NPIPB2: variants seen among roughly 807,000 people sequenced by gnomAD.
NPIPB2 encodes nuclear pore complex interacting protein family member B2, also known as nuclear pore complex-interacting protein family member B2.
NPIPB2 carries 27 observed loss-of-function variants against 30.8 expected under a neutral mutation model. The observed-to-expected ratio is 0.88, with a 90% CI of 0.65 to 1.21. The LOEUF (loss-of-function observed/expected upper bound fraction) is 1.21. Ranked by LOEUF, NPIPB2 falls within the 50% of genes most tolerant of loss-of-function variation. The pLI, the probability that NPIPB2 is intolerant of heterozygous loss-of-function variation, is 0.00. For missense variants in NPIPB2, 440 were observed against 446.2 expected (o/e 0.99, Z 0.13); for synonymous variants, 147 against 162.0 (o/e 0.91, Z 0.70).
At chr16:11,941,448 A>T (rs2054939365) in intron 1 of NPIPB2, among the ~76,000 whole-genome samples, 1 of 146,194 alleles carries the variant, frequency 6.8e-6, no homozygotes, top group Non-Finnish European at 1.5e-5. Flanking sequence ...GAGGTGGAGG[A>T]GGAGGAGGAG....
intron 1 of NPIPB2, among the ~76,000 whole-genome samples, chr16:11,973,361 C>T (rs576842657): frequency 6.6e-6 from 1 of 152,154 alleles, no homozygotes; most frequent in South Asian, 2.1e-4. Context: ...GGTTTATAGC[C>T]ATGATTTCCA....
At chr16:11,965,235 T>C (rs2055184251) in intron 1 of NPIPB2, 1 of 1,545,944 alleles carries the variant, frequency 6.5e-7, no homozygotes, top group African/African-American at 1.4e-5. Context: ...CTAGCTGCTC[T>C]TGCTGCATTT....
intron 1 of NPIPB2, among the ~76,000 whole-genome samples, chr16:11,969,681 A>C (rs1258069179): frequency 1.3e-5 from 2 of 152,368 alleles, no homozygotes; most frequent in African/African-American, 4.8e-5. Context: ...TTCCAGCTTA[A>C]TGAAAGCATC....
At chr16:11,967,496 T>G in intron 1 of NPIPB2, 1 of 1,441,534 alleles carries the variant, frequency 6.9e-7, no homozygotes, top group Non-Finnish European at 9.5e-7. Context: ...TGAGTCCCGA[T>G]GTGTACTGCT....
chr16:11,951,143 A>G (rs1161242578), intron 1 of NPIPB2, among the ~76,000 whole-genome samples: 2 of 152,090 alleles, frequency 1.3e-5, no homozygotes, highest in Admixed American at 6.6e-5. Context: ...TCTTTTAAGA[A>G]AATTCAGTTT....
chr16:11,975,334 A>G (rs1191552130), intron 1 of NPIPB2, among the ~76,000 whole-genome samples: 4 of 144,718 alleles, frequency 2.8e-5, no homozygotes, highest in Non-Finnish European at 6.1e-5. Flanking sequence ...TTTTTAGTAG[A>G]GACGGGGTTT....
chr16:11,947,594 T>G (rs1476225120), intron 1 of NPIPB2, among the ~76,000 whole-genome samples: 1 of 151,824 alleles, frequency 6.6e-6, no homozygotes, highest in Non-Finnish European at 1.5e-5. Flanking sequence ...TCTGCCCACC[T>G]CGGCCTCCCA....
chr16:11,976,328 C>G (rs1341581748), intron 1 of NPIPB2, among the ~76,000 whole-genome samples: 1 of 152,244 alleles, frequency 6.6e-6, no homozygotes, highest in Non-Finnish European at 1.5e-5. Flanking sequence ...TCTTCCCGGA[C>G]TGGGTTCCTC....
At chr16:11,941,206 C>T in intron 1 of NPIPB2, 1 of 1,526,776 alleles carries the variant, frequency 6.5e-7, no homozygotes, top group Non-Finnish European at 8.8e-7. Context: ...CAGCAGGAGC[C>T]AAAAGAGGAG....
At chr16:11,946,120 T>C (rs1469601518), upstream of NPIPB2, among the ~76,000 whole-genome samples, 1 of 151,618 alleles carries the variant, frequency 6.6e-6, no homozygotes, top group Non-Finnish European at 1.5e-5. Context: ...GCATGGTGGC[T>C]TATACCTGTA....
At chr16:11,970,747 G>A (rs980266120) in intron 1 of NPIPB2, among the ~76,000 whole-genome samples, 27 of 151,840 alleles carry the variant, frequency 1.8e-4, no homozygotes, top group African/African-American at 6.3e-4. Flanking sequence ...TGTTGGACAC[G>A]GTGGTCTTGA....
chr16:11,946,648 T>C (rs1050386754), upstream of NPIPB2, among the ~76,000 whole-genome samples: 3 of 151,928 alleles, frequency 2.0e-5, no homozygotes, highest in African/African-American at 4.8e-5. Context: ...GAATAATAAG[T>C]GGTGAGGCTA....
Position 11,964,588 on chromosome 16 carries a change from T to C in NPIPB2, c.-584+11980A>G, listed in dbSNP as rs1481907929. On this transcript the variant is annotated intron_variant, in intron 1 of 5. Coordinates refer to the NPIPB2 transcript ENST00000538896. ...TGCCACCATGCCTGACTAATTTTTG[T>C]ATTTTTAGTAGAGACGGGGTTTCAC... Among the ~76,000 whole-genome samples, 3 of 152,150 alleles carry C rather than the reference T, an allele frequency of 2.0e-5. No individual in the cohort carries two copies. The East Asian group carries it at 5.8e-4, about 29-fold the overall frequency.
At chr16:11,967,777 A>G in intron 1 of NPIPB2, 1 of 1,614,212 alleles carries the variant, frequency 6.2e-7, no homozygotes, top group Non-Finnish European at 8.5e-7. Context: ...ACGAAAACGA[A>G]TGACTATTGC....
chr16:11,969,681 A>G (rs1258069179), intron 1 of NPIPB2, among the ~76,000 whole-genome samples: 2 of 152,250 alleles, frequency 1.3e-5, no homozygotes, highest in Admixed American at 1.3e-4. Context: ...TTCCAGCTTA[A>G]TGAAAGCATC....
chr16:11,954,553 A>AT (rs112348863), intron 1 of NPIPB2, among the ~76,000 whole-genome samples: 1 of 151,840 alleles, frequency 6.6e-6, no homozygotes, highest in Non-Finnish European at 1.5e-5. Context: ...GAGAAATAAA[A>AT]TTTTTTTTAA....
At chr16:11,973,692 CAA>C (rs58595109) in intron 1 of NPIPB2, among the ~76,000 whole-genome samples, 8,891 of 152,144 alleles carry the variant, frequency 0.058, 448 homozygotes, top group African/African-American at 0.14. Flanking sequence ...CTCAGCCTCC[CAA>C]GTTAGCTAGG....
intron 1 of NPIPB2, among the ~76,000 whole-genome samples, chr16:11,976,069 C>G (rs904186161): frequency 1.3e-5 from 2 of 152,064 alleles, no homozygotes; most frequent in Non-Finnish European, 2.9e-5. Context: ...TAGAATTAGG[C>G]AGAAAAGCCC....
At chr16:11,938,543 G>A (rs547344867) in intron 1 of NPIPB2, among the ~76,000 whole-genome samples, 2 of 149,390 alleles carry the variant, frequency 1.3e-5, no homozygotes, top group East Asian at 2.0e-4. Flanking sequence ...GTTGGCCAGG[G>A]TGGTCTCAAA....
Sources: allele counts gnomAD v4.1 joint callset (sites outside exome capture counted in the v4.1 genomes callset), GRCh38; gene constraint gnomAD v4.1.1; transcripts MANE v1.5; gene names NCBI Gene and HGNC (gene_info 2026-07-23, HGNC 2026-07-21).